The following KLHL13 variants were observed in gnomAD, a reference collection of about 807,000 sequenced individuals.
KLHL13 encodes the protein kelch-like protein 13.
In KLHL13, 10 loss-of-function variants were observed where a neutral mutation model predicts 37.1. The ratio of observed to expected loss-of-function variants is 0.27; its 90% CI spans 0.17 to 0.46. The LOEUF (loss-of-function observed/expected upper bound fraction) is 0.46. Ranked by LOEUF, KLHL13 falls within the 20% of genes least tolerant of loss-of-function variation. The probability of loss-of-function intolerance (pLI) is 1.00; values close to 1 mark genes in which losing one functional copy is unlikely to be tolerated. For synonymous variants in KLHL13, 163 were observed against 181.2 expected, an observed-to-expected ratio of 0.90 and a Z score of 0.81; for missense variants, 360 against 509.3, an observed-to-expected ratio of 0.71 and a Z score of 2.82.
intron 1 of KLHL13, chrX:117,946,523 C>T (rs940392209): frequency 4.5e-5 from 5 of 112,015 alleles, no homozygotes; most frequent in African/African-American, 1.3e-4. Context: ...TCTTGTGTTT[C>T]TCCATAGGTA....
At chrX:118,048,871 A>G (rs1211508801) in intron 1 of KLHL13, among the ~76,000 whole-genome samples, 2 of 112,126 alleles carry the variant, frequency 1.8e-5, no homozygotes, top group Admixed American at 1.9e-4. Context: ...AAAATATTCA[A>G]TATAGCTCAC....
chrX:118,103,312 C>T (rs2106683), intron 1 of KLHL13, among the ~76,000 whole-genome samples: 15,645 of 110,981 alleles, frequency 0.14, 1,395 homozygotes, highest in African/African-American at 0.33. Context: ...GTGAGATCAC[C>T]ACACCTTTTG....
chrX:118,032,034 G>T (rs763673797), intron 1 of KLHL13, among the ~76,000 whole-genome samples: 2 of 111,333 alleles, frequency 1.8e-5, no homozygotes, highest in Non-Finnish European at 3.8e-5. Context: ...CTTTTCCGAC[G>T]GGCTTAAAAA....
At chrX:118,110,411 G>A (rs1252565971) in intron 1 of KLHL13, among the ~76,000 whole-genome samples, 7 of 82,275 alleles carry the variant, frequency 8.5e-5, no homozygotes, top group African/African-American at 3.5e-4. Context: ...ACTGAGTCTC[G>A]CTCTGTCACC....
At chrX:118,038,074 A>C (rs762800834) in intron 1 of KLHL13, among the ~76,000 whole-genome samples, 58 of 112,588 alleles carry the variant, frequency 5.2e-4, no homozygotes, top group Non-Finnish European at 9.7e-4. Context: ...TGATGTACAC[A>C]CATTTATGTA....
intron 2 of KLHL13, among the ~76,000 whole-genome samples, chrX:117,943,983 T>C (rs1933186991): frequency 9.0e-6 from 1 of 111,414 alleles, no homozygotes; most frequent in African/African-American, 3.3e-5. Flanking sequence ...CTTTGGTCTT[T>C]AATGTTGGTG....
chrX:118,091,070 T>A (rs766620612), intron 1 of KLHL13, among the ~76,000 whole-genome samples: 1 of 93,306 alleles, frequency 1.1e-5, no homozygotes, highest in Non-Finnish European at 2.1e-5. Flanking sequence ...TAGGTGGAAA[T>A]TGAACAATGA....
intron 1 of KLHL13, among the ~76,000 whole-genome samples, chrX:118,113,859 T>G (rs1387762104): frequency 8.9e-6 from 1 of 112,470 alleles, no homozygotes; most frequent in Non-Finnish European, 1.9e-5. Context: ...CTTATAAGGT[T>G]TATCATTGTG....
intron 1 of KLHL13, among the ~76,000 whole-genome samples, chrX:118,094,717 G>A (rs2055180759): frequency 8.9e-6 from 1 of 112,105 alleles, no homozygotes; most frequent in Non-Finnish European, 1.9e-5. Context: ...CAAGCCAGAA[G>A]AGAGTGGGGG....
chrX:117,973,403 C>T (rs951770315), exon 1 of KLHL13: 1 of 967,659 alleles, frequency 1.0e-6, no homozygotes, highest in Non-Finnish European at 1.3e-6. Context: ...CTTAGGCTAC[C>T]GCTAATAGAG....
chrX:117,985,915 GT>G (rs1383059425), intron 1 of KLHL13, among the ~76,000 whole-genome samples: 2 of 110,156 alleles, frequency 1.8e-5, no homozygotes, highest in Admixed American at 1.9e-4. Flanking sequence ...TGCATTGCCC[GT>G]CTTCAATTTG....
At chrX:117,927,198 C>A (rs767094907) in intron 2 of KLHL13, among the ~76,000 whole-genome samples, 1 of 111,025 alleles carries the variant, frequency 9.0e-6, no homozygotes, top group African/African-American at 3.3e-5. Flanking sequence ...CCGCGCCCGG[C>A]CACTTCTTTC....
chrX:118,080,224 T>G (rs1040786237), intron 1 of KLHL13, among the ~76,000 whole-genome samples: 1 of 111,786 alleles, frequency 8.9e-6, no homozygotes, highest in Non-Finnish European at 1.9e-5. Context: ...CAAAGAATTT[T>G]TGGATAAGTC....
chrX:117,903,175 A>AGAGT (rs1556284003), intron 5 of KLHL13, among the ~76,000 whole-genome samples: 8 of 96,700 alleles, frequency 8.3e-5, no homozygotes, highest in Middle Eastern at 5.2e-3. Flanking sequence ...GAGAGAGAGG[A>AGAGT]GAGCGAGAGA....
At chrX:117,969,767 TA>T in intron 1 of KLHL13, among the ~76,000 whole-genome samples, 1 of 112,125 alleles carries the variant, frequency 8.9e-6, no homozygotes, top group South Asian at 3.7e-4. Context: ...ACTTTTCTAG[TA>T]TGACATTACA....
chrX:117,981,122 T>A (rs954781296), intron 1 of KLHL13, among the ~76,000 whole-genome samples: 16 of 112,260 alleles, frequency 1.4e-4, no homozygotes, highest in Admixed American at 1.3e-3. Context: ...AATTGTAGAC[T>A]CTAGCTGAAA....
rs112127749 is a variant in KLHL13, at chrX:117,937,941, C to T, written c.240+7493G>A. ...TGTAAGCAACCAATAGTCTACTTTA[C>T]GTCTATATAGATTTCTTTATTCTGG... is the stretch of plus-strand genomic sequence containing the variant. On this transcript the variant is annotated intron_variant, in intron 2 of 6. Coordinates refer to ENST00000262820, the Ensembl canonical transcript of KLHL13. Among the ~76,000 whole-genome samples the T allele has an allele frequency of 2.1e-3, 233 of 111,930 alleles. 2 individuals carry two copies. Among genetic ancestry groups the T allele is most frequent in the African/African-American group, 7.3e-3 (226 of 30,880 alleles).
chrX:118,035,547 T>G (rs1245980281), intron 1 of KLHL13, among the ~76,000 whole-genome samples: 1 of 108,687 alleles, frequency 9.2e-6, no homozygotes, highest in Non-Finnish European at 1.9e-5. Context: ...CAACAACCCT[T>G]CATGCTAAAA....
intron 2 of KLHL13, among the ~76,000 whole-genome samples, chrX:117,944,830 G>T (rs1267681313): frequency 2.7e-5 from 3 of 111,549 alleles, no homozygotes; most frequent in African/African-American, 9.8e-5. Context: ...TGTGTTTCAT[G>T]TTCTTTTGGC....
Sources: gnomAD v4.1 joint callset for allele counts (sites outside exome capture counted in the v4.1 genomes callset) on GRCh38, gnomAD v4.1.1 for gene constraint, MANE v1.5 for transcripts, NCBI Gene and HGNC (gene_info 2026-07-23, HGNC 2026-07-21) for gene names.